Variants in RELCH observed in about 807,000 individuals in gnomAD.
The protein encoded by RELCH is RAB11 binding and LisH domain, coiled-coil and HEAT repeat containing.
RELCH carries 41 observed loss-of-function variants against 150.3 expected under a neutral mutation model. That is an observed-to-expected ratio of 0.27 (90% CI 0.21 to 0.35). The LOEUF is 0.35. Ranked by LOEUF, RELCH falls within the 10% of genes least tolerant of loss-of-function variation. The pLI is 1.00. For synonymous variants in RELCH, 478 were observed against 531.8 expected (o/e 0.90, Z 1.39); for missense variants, 1,092 against 1,467.8 (o/e 0.74, Z 4.18).
intron 1 of RELCH, 50 bp from the exon 2 acceptor site, chr18:62,211,103 C>T: frequency 1.0e-6 from 1 of 959,550 alleles, no homozygotes; most frequent in Non-Finnish European, 1.6e-6. Context: ...ATTCCTGTTC[C>T]TTATTTTAAC....
chr18:62,234,529 G>A (rs2041775858), intron 10 of RELCH, among the ~76,000 whole-genome samples: 1 of 151,590 alleles, frequency 6.6e-6, no homozygotes, highest in Non-Finnish European at 1.5e-5. Flanking sequence ...CTTTTTATTG[G>A]TATTTAAATA....
intron 26 of RELCH, among the ~76,000 whole-genome samples, chr18:62,290,204 A>G (rs1192272642): frequency 6.6e-6 from 1 of 152,180 alleles, no homozygotes; most frequent in Non-Finnish European, 1.5e-5. Context: ...CAACTAAGTC[A>G]TCTTTATAAG....
At chr18:62,245,297 A>C (rs2042346564) in intron 11 of RELCH, among the ~76,000 whole-genome samples, 1 of 152,244 alleles carries the variant, frequency 6.6e-6, no homozygotes, top group African/African-American at 2.4e-5. Flanking sequence ...TCATTGTTTA[A>C]ATCTTTGAAA....
chr18:62,282,169 C>A, intron 24 of RELCH, 137 bp from the exon 25 acceptor site: 1 of 573,858 alleles, frequency 1.7e-6, no homozygotes. Flanking sequence ...TATTTAATTC[C>A]AAATTTCTAC....
chr18:62,188,890 T>C (rs906792290), intron 1 of RELCH, among the ~76,000 whole-genome samples: 1 of 152,236 alleles, frequency 6.6e-6, no homozygotes, highest in Admixed American at 6.5e-5. Flanking sequence ...AATATTCCCT[T>C]ACTAATGTAT....
chr18:62,193,504 C>G lies in RELCH; in HGVS notation c.526+5473C>G, dbSNP rs182534456. ...AGTATGATATTGGCTGTGGGTTTGTCATATATGGCTCTTATTATTTTGAGG... is the reference window on the plus strand; with the variant it reads ...AGTATGATATTGGCTGTGGGTTTGTGATATATGGCTCTTATTATTTTGAGG... On this transcript the variant is annotated intron_variant, in intron 1 of 28. Coordinates refer to ENST00000644646, the MANE Select transcript of RELCH (RefSeq NM_001346231.2). Among the ~76,000 whole-genome samples the G allele has an allele frequency of 2.0e-5, 3 of 152,214 alleles. No individual in the cohort carries two copies. The East Asian group carries it at 5.8e-4, about 29-fold the overall frequency.
At chr18:62,188,650 G>T (rs2038350938) in intron 1 of RELCH, among the ~76,000 whole-genome samples, 3 of 152,220 alleles carry the variant, frequency 2.0e-5, no homozygotes, top group Admixed American at 2.0e-4. Context: ...CAAGGAGCAA[G>T]GCAGACAGGT....
intron 19 of RELCH, 56 bp downstream of exon 19, chr18:62,266,805 A>T: frequency 9.7e-7 from 1 of 1,032,604 alleles, no homozygotes; most frequent in Non-Finnish European, 1.5e-6. Context: ...TGCAGGAAAA[A>T]TACTATATTC....
chr18:62,266,800 G>GA (rs1234596876), intron 19 of RELCH, 51 bp downstream of exon 19: 6 of 1,066,866 alleles, frequency 5.6e-6, no homozygotes, highest in African/African-American at 4.8e-5. Context: ...CTTTATGCAG[G>GA]AAAAATACTA....
At chr18:62,293,528 A>G (rs984637170) in intron 27 of RELCH, among the ~76,000 whole-genome samples, 3 of 152,074 alleles carry the variant, frequency 2.0e-5, no homozygotes, top group Non-Finnish European at 4.4e-5. Flanking sequence ...CTTAGAATTA[A>G]TTTATTGTGA....
At chr18:62,290,355 C>T (rs950165247) in intron 26 of RELCH, among the ~76,000 whole-genome samples, 4 of 152,156 alleles carry the variant, frequency 2.6e-5, no homozygotes, top group African/African-American at 9.7e-5. Flanking sequence ...CATGGTGAAA[C>T]CCCATCTCTA....
intron 11 of RELCH, among the ~76,000 whole-genome samples, chr18:62,249,462 T>C (rs989254674): frequency 2.0e-5 from 3 of 152,176 alleles, no homozygotes; most frequent in African/African-American, 7.2e-5. Context: ...GTACCATTCA[T>C]TGCAAACTAA....
chr18:62,193,342 T>C (rs2038787822), intron 1 of RELCH, among the ~76,000 whole-genome samples: 1 of 152,192 alleles, frequency 6.6e-6, no homozygotes, highest in African/African-American at 2.4e-5. Context: ...CGCCTCCTAT[T>C]TGAATACCCT....
At chr18:62,248,488 T>A (rs1482413025) in intron 11 of RELCH, among the ~76,000 whole-genome samples, 2 of 152,184 alleles carry the variant, frequency 1.3e-5, no homozygotes, top group Admixed American at 1.3e-4. Flanking sequence ...ACCCACAATG[T>A]TCTGCAATAT....
chr18:62,192,083 C>A (rs1309054726), intron 1 of RELCH, among the ~76,000 whole-genome samples: 1 of 152,198 alleles, frequency 6.6e-6, no homozygotes, highest in Non-Finnish European at 1.5e-5. Context: ...TTAATAATCA[C>A]CATTCTGACT....
At chr18:62,289,874 A>G (rs1167347029) in intron 26 of RELCH, among the ~76,000 whole-genome samples, 1 of 152,226 alleles carries the variant, frequency 6.6e-6, no homozygotes, top group African/African-American at 2.4e-5. Context: ...TCTTCTAAGT[A>G]GGGCCATATT....
chr18:62,287,573 T>A, intron 26 of RELCH, 106 bp downstream of exon 26: 1 of 704,228 alleles, frequency 1.4e-6, no homozygotes, highest in Non-Finnish European at 2.5e-6. Flanking sequence ...CAACTTACAT[T>A]AAGCGTTGTA....
chr18:62,224,431 A>G (rs192329109), intron 5 of RELCH, among the ~76,000 whole-genome samples: 381 of 152,300 alleles, frequency 2.5e-3, no homozygotes, highest in South Asian at 5.0e-3. Context: ...TAGTGCAATA[A>G]GGCAAGAAAA....
intron 10 of RELCH, among the ~76,000 whole-genome samples, chr18:62,233,495 A>G (rs74941907): frequency 0.067 from 10,162 of 152,006 alleles, 413 homozygotes; most frequent in Middle Eastern, 0.15. Flanking sequence ...TTTTATCCCC[A>G]TAGGTATTTT....
Sources: gnomAD v4.1 joint callset for allele counts (sites outside exome capture counted in the v4.1 genomes callset) on GRCh38, gnomAD v4.1.1 for gene constraint, MANE v1.5 for transcripts, NCBI Gene and HGNC (gene_info 2026-07-23, HGNC 2026-07-21) for gene names.